The following NPRL3 variants were observed in gnomAD, a reference collection of about 807,000 sequenced individuals.
The protein encoded by NPRL3 is NPR3 like, GATOR1 complex subunit.
A neutral mutation model predicts 57.2 loss-of-function variants in NPRL3; 23 were observed. That is an observed-to-expected ratio of 0.40 (90% CI 0.29 to 0.57). The LOEUF (loss-of-function observed/expected upper bound fraction) is 0.57. Among genes scored for constraint, NPRL3 ranks in the 20% least tolerant of loss-of-function variants. The pLI, the probability that NPRL3 is intolerant of heterozygous loss-of-function variation, is 0.42. For synonymous variants in NPRL3, 333 were observed against 321.1 expected (o/e 1.04, Z -0.39); for missense variants, 691 against 767.1 (o/e 0.90, Z 1.17).
intron 8 of NPRL3, among the ~76,000 whole-genome samples, chr16:99,309 A>C (rs970923978): frequency 6.6e-6 from 1 of 152,228 alleles, no homozygotes; most frequent in Non-Finnish European, 1.5e-5. Context: ...ACTTGGGAAC[A>C]GGTGGTGCCA....
At chr16:133,591 A>C in intron 2 of NPRL3, among the ~76,000 whole-genome samples, 1 of 152,150 alleles carries the variant, frequency 6.6e-6, no homozygotes, top group Admixed American at 6.5e-5. Context: ...GGCTAGATTT[A>C]AACTCCTGGG....
chr16:135,468 G>T (rs1385476559), intron 2 of NPRL3, among the ~76,000 whole-genome samples: 1 of 152,078 alleles, frequency 6.6e-6, no homozygotes, highest in Non-Finnish European at 1.5e-5. Context: ...AATTAGCCAG[G>T]CGTGGTGGCA....
At chr16:102,135 C>T (rs1044287012) in intron 7 of NPRL3, among the ~76,000 whole-genome samples, 2 of 152,214 alleles carry the variant, frequency 1.3e-5, no homozygotes, top group East Asian at 1.9e-4. Context: ...ATGCAGCCCA[C>T]GTCATCCCCT....
chr16:92,752 G>A, intron 10 of NPRL3, 27 bp from the exon 11 acceptor site: 1 of 1,611,186 alleles, frequency 6.2e-7, no homozygotes, highest in Non-Finnish European at 8.5e-7. Context: ...ATGCCAGTGA[G>A]TGCAGCAGAC....
intron 11 of NPRL3, 79 bp downstream of exon 11, chr16:92,517 T>G: frequency 1.3e-6 from 2 of 1,534,216 alleles, no homozygotes; most frequent in Non-Finnish European, 1.8e-6. Context: ...GGCTCTCAGA[T>G]CAGAACCAAC....
intron 3 of NPRL3, chr16:125,627 A>G (rs1047651192): frequency 3.3e-5 from 5 of 152,266 alleles, no homozygotes; most frequent in African/African-American, 4.8e-5. Flanking sequence ...CTCATTCTAA[A>G]GAATGTGCCC....
intron 3 of NPRL3, 104 bp downstream of exon 3, chr16:130,416 ACC>A: frequency 8.8e-7 from 1 of 1,137,044 alleles, no homozygotes; most frequent in Non-Finnish European, 1.3e-6. Context: ...AAAAACAAAC[ACC>A]AGACTTCTCA....
At chr16:110,011 C>A (rs2141944909) in intron 7 of NPRL3, among the ~76,000 whole-genome samples, 1 of 151,512 alleles carries the variant, frequency 6.6e-6, no homozygotes, top group South Asian at 2.1e-4. Context: ...GCGCGGTGCT[C>A]ACGCCAGTAA....
intron 9 of NPRL3, among the ~76,000 whole-genome samples, chr16:97,915 CAG>C (rs1899090903): frequency 6.6e-6 from 1 of 152,178 alleles, no homozygotes; most frequent in Non-Finnish European, 1.5e-5. Flanking sequence ...CTCTCTGAGA[CAG>C]AAGAACAAGT....
intron 9 of NPRL3, among the ~76,000 whole-genome samples, chr16:97,610 G>C (rs188166507): frequency 6.6e-6 from 1 of 152,172 alleles, no homozygotes; most frequent in African/African-American, 2.4e-5. Flanking sequence ...GCAGCCCTCT[G>C]CATGGACAGG....
intron 3 of NPRL3, among the ~76,000 whole-genome samples, chr16:124,606 C>G (rs556372585): frequency 6.6e-6 from 1 of 152,290 alleles, no homozygotes; most frequent in South Asian, 2.1e-4. Flanking sequence ...AAAACTATAG[C>G]GTGTCATATG....
intron 5 of NPRL3, among the ~76,000 whole-genome samples, chr16:116,798 C>G (rs544721594): frequency 4.2e-5 from 6 of 142,000 alleles, no homozygotes; most frequent in African/African-American, 1.3e-4. Context: ...CCCCCCCCCC[C>G]CACCGATCTC....
At chr16:105,787 G>C (rs2141936704) in intron 7 of NPRL3, among the ~76,000 whole-genome samples, 1 of 152,356 alleles carries the variant, frequency 6.6e-6, no homozygotes, top group East Asian at 1.9e-4. Flanking sequence ...AAAGTGAAGA[G>C]ACATCCCTGC....
At chr16:119,382 T>C (rs1249177509) in intron 3 of NPRL3, 127 bp from the exon 4 acceptor site, 2 of 884,220 alleles carry the variant, frequency 2.3e-6, no homozygotes, top group Non-Finnish European at 3.5e-6. Context: ...CCCCGACTGC[T>C]GGTGGAAGCT....
intron 6 of NPRL3, 147 bp from the exon 7 acceptor site, chr16:110,753 T>C: frequency 1.6e-6 from 1 of 609,456 alleles, no homozygotes; most frequent in Non-Finnish European, 2.9e-6. Context: ...ATTCACCATG[T>C]TGGCCAGGCT....
rs769191 is a variant in NPRL3 at position 85,477 on chromosome 16, C to T, written c.*1228G>A. 915 of 1,613,168 alleles carry T rather than the reference C, an allele frequency of 5.7e-4. 4 individuals are homozygous for T. In the African/African-American group the frequency reaches 5.9e-3, roughly 10 times the overall value. ...AGACCATGCGTCAGCTTCGCAGCAC[C>T]CTCCGGAAAGGCACCGCCAGCCGTG... On this transcript the variant is annotated 3_prime_UTR_variant, in exon 14 of 14. Transcript: ENST00000611875.
chr16:138,182 T>C lies in NPRL3; in HGVS notation c.86A>G (p.Gln29Arg). 1 of 1,609,242 alleles carries C rather than the reference T, an allele frequency of 6.2e-7. No individual in the cohort carries two copies. Among genetic ancestry groups the C allele is most frequent in the Non-Finnish European group, 8.5e-7 (1 of 1,178,200 alleles). Residue 29 changes from glutamine (Q) to arginine (R), a missense_variant, in exon 2 of 14, where the codon CAG (glutamine) becomes CGG (arginine). Transcript: ENST00000611875. ...GGACGCCGGGTGCTCCTGGCTTCTC[T>C]GGAAGGGGTACCTGAACAGCAGCTT... is the stretch of plus-strand genomic sequence containing the variant. Reference protein sequence around the residue: ...GNKLLFRYPFQRSQEHPASQT... With the variant: ...GNKLLFRYPFRRSQEHPASQT...
Position 86,082 on chromosome 16 carries a change from C to T in NPRL3, c.*623G>A. The T allele has an allele frequency of 3.4e-6, 1 of 290,460 alleles. No homozygotes were observed. Among genetic ancestry groups the T allele is most frequent in the Non-Finnish European group, 6.4e-6 (1 of 157,308 alleles). 18.0% of individuals were successfully genotyped at this position (290,460 alleles called of 1,614,324 possible). On this transcript the variant is annotated 3_prime_UTR_variant, in exon 14 of 14. Transcript: ENST00000611875. ...GGCTTCTCCAGCCTAGCAGGGCCAG[C>T]CCAGGCCCTCGTGCCCCAGATGGTC...
intron 3 of NPRL3, chr16:119,545 T>A (rs1386317499): frequency 4.7e-6 from 2 of 427,230 alleles, no homozygotes; most frequent in Non-Finnish European, 8.6e-6. Flanking sequence ...AGTTGCAGTT[T>A]GCTTTCAAAG....
Sources: gnomAD v4.1 joint callset for allele counts (sites outside exome capture counted in the v4.1 genomes callset) on GRCh38, gnomAD v4.1.1 for gene constraint, MANE v1.5 for transcripts, NCBI Gene and HGNC (gene_info 2026-07-23, HGNC 2026-07-21) for gene names.